The following DENND1B variants were observed in gnomAD, a reference collection of about 807,000 sequenced individuals.
DENND1B encodes DENN domain containing 1B, also known as DENN domain-containing protein 1B.
In DENND1B, 59 loss-of-function variants were observed where a neutral mutation model predicts 90.1. That is an observed-to-expected ratio of 0.65 (90% CI 0.53 to 0.81). The LOEUF is 0.81. Among genes scored for constraint, DENND1B ranks in the 40% least tolerant of loss-of-function variants. DENND1B has a pLI of 0.00. For missense variants in DENND1B, 862 were observed against 912.6 expected, an observed-to-expected ratio of 0.94 and a Z score of 0.71; for synonymous variants, 337 against 324.6, an observed-to-expected ratio of 1.04 and a Z score of -0.41.
chr1:197,721,541 G>C (rs1409532079), intron 2 of DENND1B, among the ~76,000 whole-genome samples: 1 of 151,974 alleles, frequency 6.6e-6, no homozygotes, highest in Non-Finnish European at 1.5e-5. Flanking sequence ...AATTACACAA[G>C]TAAGACAAGC....
intron 15 of DENND1B, among the ~76,000 whole-genome samples, chr1:197,553,435 A>G (rs1476134529): frequency 6.6e-6 from 1 of 152,150 alleles, no homozygotes; most frequent in African/African-American, 2.4e-5. Flanking sequence ...TCAATGCACA[A>G]TCTCTACAGA....
intron 2 of DENND1B, among the ~76,000 whole-genome samples, chr1:197,725,605 A>T (rs1238716457): frequency 6.6e-6 from 1 of 152,050 alleles, no homozygotes; most frequent in African/African-American, 2.4e-5. Context: ...TCTATGAAAC[A>T]CTATACAACT....
chr1:197,667,656 C>T (rs1655079441), intron 5 of DENND1B, among the ~76,000 whole-genome samples: 1 of 152,146 alleles, frequency 6.6e-6, no homozygotes, highest in African/African-American at 2.4e-5. Flanking sequence ...GCCTCGGCCT[C>T]CCAAAGCACT....
rs1369845671 is a variant in DENND1B, at chr1:197,775,304, C to A, written c.-149G>T. 1 of 536,048 alleles carries A rather than the reference C, an allele frequency of 1.9e-6. No homozygotes were observed. The highest frequency in any genetic ancestry group is 2.0e-5 in the African/African-American group (1 of 49,736). The allele number at this position is 536,048 out of a possible 1,614,324, so 33.2% of individuals were successfully genotyped here. On this transcript the variant is annotated 5_prime_UTR_variant, in exon 1 of 23. Coordinates refer to ENST00000620048, the MANE Select transcript of DENND1B (RefSeq NM_001195215.2). ...GCTCACAGCAGCCGTGGCGGCGGGC[C>A]CATGTCGGCTGCGCCCCCGGCACTT...
chr1:197,583,995 T>C (rs1283666144), intron 14 of DENND1B, among the ~76,000 whole-genome samples: 1 of 152,088 alleles, frequency 6.6e-6, no homozygotes, highest in Non-Finnish European at 1.5e-5. Context: ...CTTTAGCCCA[T>C]TCAACACAAA....
At chr1:197,725,912 T>C (rs1661586684) in intron 2 of DENND1B, among the ~76,000 whole-genome samples, 1 of 152,066 alleles carries the variant, frequency 6.6e-6, no homozygotes, top group South Asian at 2.1e-4. Context: ...CCAGTTATGA[T>C]GCTACAGATA....
chr1:197,757,140 A>AT (rs1279076688), intron 2 of DENND1B, among the ~76,000 whole-genome samples: 1 of 152,152 alleles, frequency 6.6e-6, no homozygotes, highest in Non-Finnish European at 1.5e-5. Flanking sequence ...GCATATTCAT[A>AT]TAATTTATTA....
At chr1:197,715,368 C>T (rs1660546114) in intron 2 of DENND1B, among the ~76,000 whole-genome samples, 1 of 151,706 alleles carries the variant, frequency 6.6e-6, no homozygotes, top group African/African-American at 2.4e-5. Flanking sequence ...TATTGACATA[C>T]TTTAGATTTT....
chr1:197,653,398 C>A (rs2477073), intron 6 of DENND1B, among the ~76,000 whole-genome samples: 106,145 of 151,898 alleles, frequency 0.7, 37,315 homozygotes, highest in East Asian at 0.79. Context: ...AAAATTGTGG[C>A]TCATATTGAT....
intron 2 of DENND1B, among the ~76,000 whole-genome samples, chr1:197,756,575 C>CA (rs57605617): frequency 0.039 from 2,101 of 53,910 alleles, 209 homozygotes; most frequent in African/African-American, 0.12. Context: ...GTCTCCATCT[C>CA]AAAAAAAAAA....
At chr1:197,673,860 C>A (rs1655778237) in intron 4 of DENND1B, among the ~76,000 whole-genome samples, 2 of 151,818 alleles carry the variant, frequency 1.3e-5, no homozygotes, top group African/African-American at 4.8e-5. Flanking sequence ...GAAGAGAGAA[C>A]AAAGGGAAAA....
At position 197,506,061 on chromosome 1, in the gene DENND1B, A is replaced by G. The variant is rs945727250; in HGVS notation, c.*4399T>C. The G allele has an allele frequency of 6.6e-6, 1 of 151,658 alleles. No individual in the cohort carries two copies. Among genetic ancestry groups the G allele is most frequent in the Non-Finnish European group, 1.5e-5 (1 of 67,692 alleles). The allele number at this position is 151,658 out of a possible 1,614,324, so 9.4% of individuals were successfully genotyped here. The stretch of plus-strand genomic sequence containing the variant: ...TTCTCCTGGCAACAATATAAAGAAT[A>G]TATTTTTTTCTGAAATCAATGAGAA... On this transcript the variant is annotated 3_prime_UTR_variant, in exon 23 of 23. Coordinates refer to ENST00000620048, the MANE Select transcript of DENND1B (RefSeq NM_001195215.2).
chr1:197,652,294 G>C lies in DENND1B; in HGVS notation c.388C>G (p.Leu130Val), dbSNP rs753673713. The change falls in exon 7 of 23, where the codon CTC becomes GTC. Residue 130 changes from leucine to valine, a missense_variant. Coordinates refer to ENST00000620048, the MANE Select transcript of DENND1B (RefSeq NM_001195215.2). ...KELENDLNET[L>V]RSLYNHPVPK... Reference sequence around the variant, plus strand: ...ACTGGGTGGTTATACAGTGATCTGAGAGTTTCATTCAAATCATTTTCCTAG... The same window carrying C: ...ACTGGGTGGTTATACAGTGATCTGACAGTTTCATTCAAATCATTTTCCTAG... The C allele has an allele frequency of 6.2e-7, 1 of 1,610,612 alleles. No homozygotes were observed. Among genetic ancestry groups the C allele is most frequent in the African/African-American group, 1.3e-5 (1 of 74,636 alleles).
intron 20 of DENND1B, among the ~76,000 whole-genome samples, chr1:197,536,138 T>TAGAG (rs1558211727): frequency 2.3e-5 from 2 of 88,876 alleles, no homozygotes; most frequent in Non-Finnish European, 5.4e-5. Context: ...GAGAGAGAGA[T>TAGAG]TGAGAGAGAG....
chr1:197,550,240 G>C (rs1181536736), intron 16 of DENND1B, among the ~76,000 whole-genome samples: 2 of 152,074 alleles, frequency 1.3e-5, no homozygotes, highest in African/African-American at 2.4e-5. Flanking sequence ...ATCAGAGTAG[G>C]AAAGGGTTAA....
intron 10 of DENND1B, among the ~76,000 whole-genome samples, chr1:197,641,274 TA>T (rs564791779): frequency 1.8e-4 from 27 of 151,624 alleles, no homozygotes; most frequent in South Asian, 6.3e-4. Context: ...TTTTTAATCT[TA>T]AAAAAAAATC....
chr1:197,715,119 C>T (rs1660523993), intron 2 of DENND1B, 45 bp from the exon 3 acceptor site: 3 of 1,525,114 alleles, frequency 2.0e-6, no homozygotes, highest in Non-Finnish European at 2.7e-6. Context: ...CAAAAGAACA[C>T]ATTTAAAGGA....
rs769566020 is a variant in DENND1B at position 197,775,458 on chromosome 1, C to T, written c.-303G>A. The T allele has an allele frequency of 1.9e-5, 5 of 264,554 alleles. No individual in the cohort carries two copies. The highest frequency in any genetic ancestry group is 3.6e-5 in the Non-Finnish European group (5 of 140,574). The allele number at this position is 264,554 out of a possible 1,614,324, so 16.4% of individuals were successfully genotyped here. On this transcript the variant is annotated 5_prime_UTR_variant, in exon 1 of 23. Coordinates refer to ENST00000620048, the MANE Select transcript of DENND1B (RefSeq NM_001195215.2). Reference sequence around the variant, plus strand: ...CAGTTCCTGCGACCGGGGCCGCCCGCTGCGGCTCCTGCACCTTCTTGCAAA... The same window carrying T: ...CAGTTCCTGCGACCGGGGCCGCCCGTTGCGGCTCCTGCACCTTCTTGCAAA...
intron 11 of DENND1B, among the ~76,000 whole-genome samples, chr1:197,612,417 T>C: frequency 6.6e-6 from 1 of 150,586 alleles, no homozygotes; most frequent in East Asian, 2.0e-4. Context: ...ATATTCTTAA[T>C]ATATATATTC....
Sources: gnomAD v4.1 joint callset for allele counts (sites outside exome capture counted in the v4.1 genomes callset) on GRCh38, gnomAD v4.1.1 for gene constraint, MANE v1.5 for transcripts, NCBI Gene and HGNC (gene_info 2026-07-23, HGNC 2026-07-21) for gene names.